ANKRD50: variants seen among roughly 807,000 people sequenced by gnomAD.
The protein encoded by ANKRD50 is ankyrin repeat domain 50.
In ANKRD50, 40 loss-of-function variants were observed where a neutral mutation model predicts 112.0. That is an observed-to-expected ratio of 0.36 (90% CI 0.28 to 0.46). The LOEUF is 0.46. ANKRD50 is among the 20% of genes least tolerant of loss of function. The pLI, the probability that ANKRD50 is intolerant of heterozygous loss-of-function variation, is 1.00. For synonymous variants in ANKRD50, 613 were observed against 619.1 expected (o/e 0.99, Z 0.15); for missense variants, 1,487 against 1,701.7 (o/e 0.87, Z 2.22).
chr4:124,682,791 A>T (rs1361664184), intron 2 of ANKRD50, among the ~76,000 whole-genome samples: 1 of 152,054 alleles, frequency 6.6e-6, no homozygotes, highest in Non-Finnish European at 1.5e-5. Context: ...TGAAATTTTT[A>T]TAGGCAACAT....
rs3172524 is a variant in ANKRD50 at position 124,666,406 on chromosome 4, G to T, written c.*1112C>A. On this transcript the variant is annotated 3_prime_UTR_variant, in exon 5 of 5. Coordinates refer to ENST00000504087, the MANE Select transcript of ANKRD50 (RefSeq NM_020337.3). ...GTACACATGTGCTATGATTGACAGG[G>T]GAGTGGTGTCATCTGTGAAGGGCAG... The T allele has an allele frequency of 0.24, 36,633 of 152,216 alleles. 4,630 individuals carry two copies. Among genetic ancestry groups the T allele is most frequent in the African/African-American group, 0.32 (13,451 of 41,418 alleles). The allele number at this position is 152,216 out of a possible 1,614,324, so 9.4% of individuals were successfully genotyped here. A position where few individuals can be genotyped will look rare whatever the true frequency, so the allele number is the denominator to read the frequency against.
chr4:124,705,795 A>G (rs1195955382), intron 2 of ANKRD50, among the ~76,000 whole-genome samples: 2 of 152,178 alleles, frequency 1.3e-5, no homozygotes, highest in Non-Finnish European at 2.9e-5. Context: ...AGACACAGTC[A>G]ATGTAAAATA....
Position 124,710,935 on chromosome 4 carries a change from C to T in ANKRD50, c.-424G>A, listed in dbSNP as rs545470959. 575 of 420,506 alleles carry T rather than the reference C, an allele frequency of 1.4e-3. 2 individuals carry two copies. Among genetic ancestry groups the T allele is most frequent in the Middle Eastern group, 2.5e-3 (4 of 1,626 alleles). 26.0% of individuals were successfully genotyped at this position (420,506 alleles called of 1,614,324 possible). A position where few individuals can be genotyped will look rare whatever the true frequency, so the allele number is the denominator to read the frequency against. ...CAGATTCCAAGTGTTAATTCTGCAT[C>T]TGACAATTAGATTCTGAAAAGAGGT... On this transcript the variant is annotated 5_prime_UTR_variant, in exon 2 of 5. Coordinates refer to ENST00000504087, the MANE Select transcript of ANKRD50 (RefSeq NM_020337.3).
chr4:124,712,209 G>A (rs1435853149), intron 1 of ANKRD50, among the ~76,000 whole-genome samples: 2 of 152,034 alleles, frequency 1.3e-5, no homozygotes. Flanking sequence ...GGGGGAGGGG[G>A]TGACTGAGGT....
intron 2 of ANKRD50, among the ~76,000 whole-genome samples, chr4:124,683,567 T>A (rs530480306): frequency 6.6e-6 from 1 of 151,994 alleles, no homozygotes; most frequent in East Asian, 1.9e-4. Context: ...TATAATTCCT[T>A]ACCATAAGGG....
intron 3 of ANKRD50, among the ~76,000 whole-genome samples, chr4:124,674,013 A>G (rs1356376619): frequency 2.0e-5 from 3 of 152,076 alleles, no homozygotes; most frequent in Non-Finnish European, 4.4e-5. Context: ...AAACATACCT[A>G]GAAATTTACA....
intron 2 of ANKRD50, among the ~76,000 whole-genome samples, chr4:124,695,193 T>C (rs1725226663): frequency 1.3e-5 from 2 of 152,182 alleles, no homozygotes; most frequent in African/African-American, 2.4e-5. Context: ...ATTACAAAAT[T>C]TACATTTTTC....
rs1415740720 is a variant in ANKRD50 at position 124,710,781 on chromosome 4, G to A, written c.-270C>T. ...AGCAACACTTTTCCTAAATTTTAAT[G>A]AGTCACATAACTCCATGGTTATAAC... On this transcript the variant is annotated 5_prime_UTR_variant, in exon 2 of 5. Transcript: ENST00000504087. The A allele has an allele frequency of 9.9e-6, 5 of 502,962 alleles. No homozygotes were observed. Among genetic ancestry groups the A allele is most frequent in the Non-Finnish European group, 1.8e-5 (5 of 284,862 alleles). 31.2% of individuals were successfully genotyped at this position (502,962 alleles called of 1,614,324 possible). A position where few individuals can be genotyped will look rare whatever the true frequency, so the allele number is the denominator to read the frequency against.
At chr4:124,690,280 T>G (rs753447481) in intron 2 of ANKRD50, among the ~76,000 whole-genome samples, 4 of 152,204 alleles carry the variant, frequency 2.6e-5, no homozygotes, top group African/African-American at 4.8e-5. Flanking sequence ...TAGAGAAATA[T>G]CCATATGTCA....
intron 3 of ANKRD50, among the ~76,000 whole-genome samples, chr4:124,677,536 A>C (rs1201839577): frequency 1.3e-5 from 2 of 151,932 alleles, no homozygotes; most frequent in Non-Finnish European, 2.9e-5. Context: ...TAGCAACGAT[A>C]TATTTCTGAA....
chr4:124,670,531 C>A lies in ANKRD50; in HGVS notation c.2746G>T (p.Ala916Ser). The A allele has an allele frequency of 1.9e-6, 3 of 1,613,390 alleles. No homozygotes were observed. Among genetic ancestry groups the A allele is most frequent in the Non-Finnish European group, 2.5e-6 (3 of 1,179,766 alleles). The change falls in exon 4 of 5, where the codon GCA becomes TCA. Residue 916 changes from alanine (A) to serine (S), a missense_variant. Around this residue, in one of 2 missense-constraint regions of ANKRD50, gnomAD observed 1,046 missense variants for 1,269.5 expected, o/e 0.82. Transcript: ENST00000504087. Reference sequence around the variant, plus strand: ...CCTTCTAATGCAGCAACCCGCAGTGCATTTCTTCCATCATAACCTCTTTGA... The same window carrying A: ...CCTTCTAATGCAGCAACCCGCAGTGAATTTCTTCCATCATAACCTCTTTGA... ...IDQRGYDGRN[A>S]LRVAALEGHR...
At position 124,669,709 on chromosome 4, in the gene ANKRD50, A is replaced by C; in HGVS notation, c.3568T>G (p.Ser1190Ala). The change falls in exon 4 of 5, where the codon TCA (serine) becomes GCA (alanine). Residue 1190 changes from serine to alanine, a missense_variant. Around this residue, in one of 2 missense-constraint regions of ANKRD50, gnomAD observed 441 missense variants for 432.2 expected, o/e 1.02. Transcript: ENST00000504087. Reference protein sequence around the residue: ...SNNSLKSSKNSSLRTTSSTAT... With the variant: ...SNNSLKSSKNASLRTTSSTAT... The stretch of plus-strand genomic sequence containing the variant: ...GTAGATGAAGTAGTTCTCAAAGATG[A>C]ATTTTTTGAGCTTTTCAGGGAATTA... 1 of 1,613,086 alleles carries C rather than the reference A, an allele frequency of 6.2e-7. No individual in the cohort carries two copies. The highest frequency in any genetic ancestry group is 8.5e-7 in the Non-Finnish European group (1 of 1,179,724).
At chr4:124,693,398 T>A (rs1725178591) in intron 2 of ANKRD50, among the ~76,000 whole-genome samples, 2 of 152,112 alleles carry the variant, frequency 1.3e-5, no homozygotes, top group Non-Finnish European at 2.9e-5. Context: ...AGATGGCAGG[T>A]GCTTGAAATG....
In ANKRD50 at chr4:124,678,676, C is replaced by T; in HGVS notation, c.742G>A (p.Gly248Ser). 3 of 1,610,042 alleles carry T rather than the reference C, an allele frequency of 1.9e-6. No homozygotes were observed. The highest frequency in any genetic ancestry group is 2.5e-6 in the Non-Finnish European group (3 of 1,176,748). Residue 248 changes from glycine (G) to serine (S), a missense_variant and splice_region_variant, in exon 3 of 5, where the codon GGT becomes AGT. This residue lies in a region of ANKRD50 where 1,046 missense variants were observed against 1,269.5 expected (regional missense o/e 0.82). Transcript: ENST00000504087. ...GATGGCAGTAAGTAATTATGCTTACCAGTAAACATTTTAGTAACAGCCTTA... is the reference window on the plus strand; with the variant it reads ...GATGGCAGTAAGTAATTATGCTTACTAGTAAACATTTTAGTAACAGCCTTA... ...QSKAVTKMFT[G>S]FRKISLDDLR...
In ANKRD50 at chr4:124,670,542, T is replaced by G. The variant is rs781534263; in HGVS notation, c.2735A>C (p.Asp912Ala). ...AGCAACCCGCAGTGCATTTCTTCCA[T>G]CATAACCTCTTTGATCAATGTTGGA... is the stretch of plus-strand genomic sequence containing the variant. The part of the protein sequence containing the change: ...NKSNIDQRGY[D>A]GRNALRVAAL... The change falls in exon 4 of 5, where the codon GAT becomes GCT. Residue 912 changes from aspartate (D) to alanine (A), a missense_variant. Physicochemically the swap from Asp to Ala is moderately radical, Grantham distance 126 (BLOSUM62 -2). Coordinates refer to ENST00000504087, the MANE Select transcript of ANKRD50 (RefSeq NM_020337.3). The G allele has an allele frequency of 1.9e-6, 3 of 1,613,358 alleles. No homozygotes were observed. Among genetic ancestry groups the G allele is most frequent in the Admixed American group, 1.7e-5 (1 of 59,838 alleles).
At position 124,694,793 on chromosome 4, in the gene ANKRD50, C is replaced by T. The variant is rs1725214853; in HGVS notation, c.512+15207G>A. The stretch of plus-strand genomic sequence containing the variant: ...TCAATTTTTAGCCCTCATTCAAGAT[C>T]ATACTGGGGATGGGGAATGGTGGAG... On this transcript the variant is annotated intron_variant, in intron 2 of 4. Transcript: ENST00000504087. Among the ~76,000 whole-genome samples the T allele has an allele frequency of 3.3e-5, 5 of 151,966 alleles. No homozygotes were observed. In the South Asian group the frequency reaches 1.0e-3, roughly 32 times the overall value.
Position 124,669,512 on chromosome 4 carries a change from C to A in ANKRD50, c.3765G>T (p.Trp1255Cys), listed in dbSNP as rs1299320953. The A allele has an allele frequency of 8.7e-6, 14 of 1,612,546 alleles. No individual in the cohort carries two copies. The highest frequency in any genetic ancestry group is 1.0e-5 in the Non-Finnish European group (12 of 1,179,674). ...SHNSPSSEFE[W>C]SQVKPSLKST... is the part of the protein sequence containing the mutation. ...ACTTCAAACTGGGCTTTACTTGACTCCACTCAAATTCACTACTTGGTGAAT... is the reference window on the plus strand; with the variant it reads ...ACTTCAAACTGGGCTTTACTTGACTACACTCAAATTCACTACTTGGTGAAT... The change falls in exon 4 of 5, where the codon TGG (tryptophan) becomes TGT (cysteine). Residue 1255 changes from tryptophan to cysteine, a missense_variant. Trp to Cys is a radical substitution (Grantham distance 215). Around this residue, in one of 2 missense-constraint regions of ANKRD50, gnomAD observed 441 missense variants for 432.2 expected, o/e 1.02. Coordinates refer to ENST00000504087, the MANE Select transcript of ANKRD50 (RefSeq NM_020337.3).
At position 124,669,872 on chromosome 4, in the gene ANKRD50, T is replaced by C; in HGVS notation, c.3405A>G (p.Ser1135=). 1 of 1,612,996 alleles carries C rather than the reference T, an allele frequency of 6.2e-7. No individual in the cohort carries two copies. The highest frequency in any genetic ancestry group is 1.1e-5 in the South Asian group (1 of 90,744). ...SSKVQSLTIK[S]NSSGSTGGGD... is the part of the protein sequence containing the mutation. Reference sequence around the variant, plus strand: ...CTCCACCAGTACTACCAGAGCTATTTGATTTAATTGTTAATGACTGCACTT... The same window carrying C: ...CTCCACCAGTACTACCAGAGCTATTCGATTTAATTGTTAATGACTGCACTT... Residue 1135 remains serine, a synonymous_variant, in exon 4 of 5, where the codon TCA becomes TCG. Transcript: ENST00000504087.
intron 2 of ANKRD50, among the ~76,000 whole-genome samples, chr4:124,701,966 T>C (rs1207433557): frequency 2.6e-5 from 4 of 152,316 alleles, no homozygotes; most frequent in East Asian, 1.9e-4. Flanking sequence ...CCTCAACATG[T>C]ATCAAACAAA....
Sources: gnomAD v4.1 joint callset for allele counts (sites outside exome capture counted in the v4.1 genomes callset) on GRCh38, gnomAD v4.1.1 for gene constraint, gnomAD v4.1.1 regional missense constraint, MANE v1.5 for transcripts, NCBI Gene and HGNC (gene_info 2026-07-23, HGNC 2026-07-21) for gene names.